The following SOX5 variants were observed in gnomAD, a reference collection of about 807,000 sequenced individuals.
SOX5 encodes the protein SRY-box transcription factor 5, also known as transcription factor SOX-5.
SOX5 carries 9 observed loss-of-function variants against 92.0 expected under a neutral mutation model. The observed-to-expected ratio is 0.10, with a 90% confidence interval of 0.06 to 0.17. The LOEUF is 0.17. Among genes scored for constraint, SOX5 ranks in the 10% least tolerant of loss-of-function variants. SOX5 has a pLI of 1.00. For synonymous variants in SOX5, 344 were observed against 336.3 expected (o/e 1.02, Z -0.25); for missense variants, 642 against 944.5 (o/e 0.68, Z 4.20).
intron 3 of SOX5, among the ~76,000 whole-genome samples, chr12:23,818,813 T>C (rs879352136): frequency 6.6e-6 from 1 of 152,168 alleles, no homozygotes; most frequent in African/African-American, 2.4e-5. Flanking sequence ...AAACTTTTTA[T>C]ACATTTTTGT....
At chr12:24,050,732 T>C (rs1445607179) in intron 4 of SOX5, among the ~76,000 whole-genome samples, 1 of 152,170 alleles carries the variant, frequency 6.6e-6, no homozygotes, top group African/African-American at 2.4e-5. Context: ...AGCTCATCTA[T>C]ATGGTGACAA....
chr12:24,211,830 C>G (rs1313753169), intron 4 of SOX5, among the ~76,000 whole-genome samples: 1 of 152,218 alleles, frequency 6.6e-6, no homozygotes, highest in East Asian at 1.9e-4. Context: ...TTTGTCCCTT[C>G]CTTCTTTATT....
intron 4 of SOX5, among the ~76,000 whole-genome samples, chr12:24,161,468 A>G (rs1734699297): frequency 6.6e-6 from 1 of 152,092 alleles, no homozygotes; most frequent in Admixed American, 6.6e-5. Flanking sequence ...AGAGAGTATA[A>G]GCATTGAGAA....
At chr12:24,132,573 C>T (rs1949747936) in intron 4 of SOX5, among the ~76,000 whole-genome samples, 1 of 152,122 alleles carries the variant, frequency 6.6e-6, no homozygotes, top group Admixed American at 6.6e-5. Context: ...ATTAGAAATA[C>T]AGTATCCGTA....
chr12:23,685,311 G>A (rs2087331080), intron 6 of SOX5, among the ~76,000 whole-genome samples: 2 of 152,048 alleles, frequency 1.3e-5, no homozygotes, highest in African/African-American at 4.8e-5. Context: ...CACGGTTAGA[G>A]AAATCCTAAG....
At chr12:24,467,679 G>A (rs1484131723) in intron 1 of SOX5, among the ~76,000 whole-genome samples, 1 of 152,108 alleles carries the variant, frequency 6.6e-6, no homozygotes, top group Non-Finnish European at 1.5e-5. Context: ...GGATATGATG[G>A]AGAGCCACTG....
intron 3 of SOX5, among the ~76,000 whole-genome samples, chr12:24,224,349 T>C (rs1961353627): frequency 1.3e-5 from 2 of 152,166 alleles, no homozygotes; most frequent in Admixed American, 1.3e-4. Context: ...TTCTTTCTTT[T>C]TTTTTTCGCC....
chr12:24,432,251 A>G (rs1488909731), intron 1 of SOX5, among the ~76,000 whole-genome samples: 1 of 152,210 alleles, frequency 6.6e-6, no homozygotes, highest in Non-Finnish European at 1.5e-5. Context: ...TGGTCAAAAT[A>G]GAAATCTCAC....
At chr12:23,798,064 A>G (rs1227902379) in intron 3 of SOX5, among the ~76,000 whole-genome samples, 1 of 152,002 alleles carries the variant, frequency 6.6e-6, no homozygotes, top group Non-Finnish European at 1.5e-5. Context: ...TTTTACATTT[A>G]TCTTTTCCTA....
intron 2 of SOX5, among the ~76,000 whole-genome samples, chr12:24,318,604 G>C (rs904784675): frequency 6.6e-6 from 1 of 152,110 alleles, no homozygotes; most frequent in Non-Finnish European, 1.5e-5. Context: ...TAATTATGCT[G>C]ACCATCTGCC....
At chr12:23,663,855 G>A (rs1481313735) in intron 7 of SOX5, among the ~76,000 whole-genome samples, 1 of 152,154 alleles carries the variant, frequency 6.6e-6, no homozygotes, top group African/African-American at 2.4e-5. Flanking sequence ...ATTAAAAAAA[G>A]TTGGTGTGTC....
intron 6 of SOX5, among the ~76,000 whole-genome samples, chr12:23,708,134 C>T (rs1268744268): frequency 1.3e-5 from 2 of 150,686 alleles, no homozygotes; most frequent in East Asian, 3.9e-4. Context: ...ATGGTAAATA[C>T]TATAGAGGTT....
chr12:23,868,185 A>G (rs2096835989), intron 2 of SOX5, among the ~76,000 whole-genome samples: 1 of 151,796 alleles, frequency 6.6e-6, no homozygotes, highest in Non-Finnish European at 1.5e-5. Context: ...AGCTGGTTTA[A>G]TAAGATTTCC....
intron 7 of SOX5, among the ~76,000 whole-genome samples, chr12:23,648,141 C>G (rs185396655): frequency 2.6e-5 from 4 of 152,196 alleles, no homozygotes; most frequent in Non-Finnish European, 4.4e-5. Context: ...CACAGATCAC[C>G]ATAACATATA....
At chr12:23,635,799 T>A (rs1232074354) in intron 8 of SOX5, among the ~76,000 whole-genome samples, 1 of 152,082 alleles carries the variant, frequency 6.6e-6, no homozygotes, top group Non-Finnish European at 1.5e-5. Context: ...AGGAAAGTCA[T>A]AAGGATAGCT....
chr12:24,141,063 C>A (rs1950540710), intron 4 of SOX5, among the ~76,000 whole-genome samples: 1 of 151,924 alleles, frequency 6.6e-6, no homozygotes, highest in Non-Finnish European at 1.5e-5. Flanking sequence ...TAGAGAAGAA[C>A]AAATATAAAA....
chr12:23,573,178 C>A (rs988351374), intron 10 of SOX5, among the ~76,000 whole-genome samples: 1 of 152,116 alleles, frequency 6.6e-6, no homozygotes, highest in Non-Finnish European at 1.5e-5. Context: ...CCTCTCCCCC[C>A]TTGAAGAGTA....
At chr12:24,228,382 T>C (rs1962563806) in intron 3 of SOX5, among the ~76,000 whole-genome samples, 1 of 152,230 alleles carries the variant, frequency 6.6e-6, no homozygotes, top group East Asian at 1.9e-4. Context: ...TGGGGATGAT[T>C]ATACATATGT....
intron 1 of SOX5, among the ~76,000 whole-genome samples, chr12:24,444,230 T>C (rs919766300): frequency 6.6e-6 from 1 of 151,922 alleles, no homozygotes; most frequent in African/African-American, 2.4e-5. Context: ...CAGAAGAAAC[T>C]AGCATTTACT....
Sources: gnomAD v4.1 joint callset for allele counts (sites outside exome capture counted in the v4.1 genomes callset) on GRCh38, gnomAD v4.1.1 for gene constraint, MANE v1.5 for transcripts, NCBI Gene and HGNC (gene_info 2026-07-23, HGNC 2026-07-21) for gene names.